The following IL20RA variants were observed in gnomAD, a reference collection of about 807,000 sequenced individuals.
IL20RA encodes the protein interleukin-20 receptor subunit alpha.
IL20RA carries 29 observed loss-of-function variants against 36.5 expected under a neutral mutation model. The ratio of observed to expected loss-of-function variants is 0.79; its 90% CI spans 0.59 to 1.08. IL20RA has a LOEUF of 1.08. Among genes scored for constraint, IL20RA ranks in the 50% least tolerant of loss-of-function variants. IL20RA has a pLI of 0.00. For synonymous variants in IL20RA, 279 were observed against 267.1 expected, an observed-to-expected ratio of 1.04 and a Z score of -0.43; for missense variants, 652 against 668.4, an observed-to-expected ratio of 0.98 and a Z score of 0.27.
chr6:137,005,113 A>G (rs528232438), intron 5 of IL20RA, among the ~76,000 whole-genome samples: 5 of 152,336 alleles, frequency 3.3e-5, no homozygotes, highest in African/African-American at 4.8e-5. Context: ...TTGATATTCA[A>G]GTAAGTCACA....
intron 4 of IL20RA, 49 bp from the exon 5 acceptor site, chr6:137,008,792 C>T (rs1582819615): frequency 7.0e-7 from 1 of 1,430,624 alleles, no homozygotes; most frequent in Non-Finnish European, 9.4e-7. Flanking sequence ...ATTTCTGGGA[C>T]CACCCCAGAC....
In IL20RA at chr6:137,044,799, C is replaced by T; in HGVS notation, c.-71G>A. On this transcript the variant is annotated 5_prime_UTR_variant, in exon 1 of 7. Transcript: ENST00000316649. ...GTCCCACGCCCGCTGGGGCCAAGCG[C>T]GGCCGCGCGGCCTCAGCTCCGCGCC... 8.4e-7 allele frequency: 1 copy of T among 1,195,262 alleles called. No individual in the cohort carries two copies. The highest frequency in any genetic ancestry group is 1.0e-6 in the Non-Finnish European group (1 of 963,230). The allele number at this position is 1,195,262 out of a possible 1,614,324, so 74.0% of individuals were successfully genotyped here.
intron 1 of IL20RA, among the ~76,000 whole-genome samples, chr6:137,041,895 T>C (rs1258118562): frequency 2.6e-5 from 4 of 152,060 alleles, no homozygotes; most frequent in Non-Finnish European, 5.9e-5. Context: ...ACATGTGCCA[T>C]GGTGGTTTGT....
intron 1 of IL20RA, chr6:137,043,981 G>T: frequency 2.3e-6 from 1 of 441,998 alleles, no homozygotes; most frequent in Non-Finnish European, 3.0e-6. Context: ...GTTACCTTAT[G>T]TCGTAAACGA....
chr6:137,022,383 A>C (rs895579629), intron 1 of IL20RA, among the ~76,000 whole-genome samples: 1 of 152,222 alleles, frequency 6.6e-6, no homozygotes, highest in Non-Finnish European at 1.5e-5. Flanking sequence ...GTTTATGTTT[A>C]GTTGCCGAGA....
rs116643517 is a variant in IL20RA, at chr6:137,002,559, G to T, written c.865-204C>A. On this transcript the variant is annotated intron_variant, in intron 6 of 6. Coordinates refer to ENST00000316649, the MANE Select transcript of IL20RA (RefSeq NM_014432.4). ...CAAGACACACAAAAGATAGTTGGAAGCGAGAAGTGATTCGCTGGGTGGGTA... is the reference window on the plus strand; with the variant it reads ...CAAGACACACAAAAGATAGTTGGAATCGAGAAGTGATTCGCTGGGTGGGTA... Among the ~76,000 whole-genome samples, 172 of 152,348 alleles carry T rather than the reference G, an allele frequency of 1.1e-3. 2 individuals are homozygous for T. The highest frequency in any genetic ancestry group is 3.9e-3 in the African/African-American group (163 of 41,592).
At position 137,001,997 on chromosome 6, in the gene IL20RA, G is replaced by C. The variant is rs772939965; in HGVS notation, c.1223C>G (p.Thr408Ser). The C allele has an allele frequency of 3.7e-6, 6 of 1,614,108 alleles. No homozygotes were observed. The African/African-American group carries it at 8.0e-5, about 22-fold the overall frequency. Residue 408 changes from threonine (T) to serine (S), a missense_variant, in exon 7 of 7, where the codon ACT (threonine) becomes AGT (serine). Thr to Ser is a moderately conservative substitution (Grantham distance 58). Coordinates refer to ENST00000316649, the MANE Select transcript of IL20RA (RefSeq NM_014432.4). The part of the protein sequence containing the change: ...VIEYEYDVRT[T>S]DICAGPEEQE... The stretch of plus-strand genomic sequence containing the variant: ...CTCTTCAGGCCCCGCACAAATGTCA[G>C]TGGTTCTGACATCATATTCATATTC...
chr6:137,007,737 G>C (rs889071067), intron 5 of IL20RA, among the ~76,000 whole-genome samples: 1 of 152,154 alleles, frequency 6.6e-6, no homozygotes, highest in African/African-American at 2.4e-5. Context: ...AGGAAATAGA[G>C]AGAAGCAACT....
At chr6:137,019,130 CT>C (rs33960934) in intron 1 of IL20RA, among the ~76,000 whole-genome samples, 112,664 of 140,786 alleles carry the variant, frequency 0.8, 49,702 homozygotes, top group Non-Finnish European at 0.98. Context: ...TTCTATTTAT[CT>C]TTTTTTTTTT....
In IL20RA at chr6:137,011,418, A is replaced by C; in HGVS notation, c.259T>G (p.Cys87Gly). Residue 87 changes from cysteine to glycine, a missense_variant, in exon 3 of 7, where the codon TGC becomes GGC. Coordinates refer to ENST00000316649, the MANE Select transcript of IL20RA (RefSeq NM_014432.4). The stretch of plus-strand genomic sequence containing the variant: ...CAGTAGGTTCTATTGATATTTCTGC[A>C]TTCTGATTTATTCAGCCATTTCTTT... Reference protein sequence around the residue: ...GQKKWLNKSECRNINRTYCDL... With the variant: ...GQKKWLNKSEGRNINRTYCDL... 2 of 1,613,302 alleles carry C rather than the reference A, an allele frequency of 1.2e-6. No individual in the cohort carries two copies. Among genetic ancestry groups the C allele is most frequent in the Non-Finnish European group, 1.7e-6 (2 of 1,179,604 alleles).
At chr6:137,024,513 G>A (rs1776017183) in intron 1 of IL20RA, among the ~76,000 whole-genome samples, 1 of 152,212 alleles carries the variant, frequency 6.6e-6, no homozygotes, top group African/African-American at 2.4e-5. Context: ...GGTGCACATA[G>A]TTTTATGTTT....
rs1776847766 is a variant in IL20RA at position 137,044,824 on chromosome 6, C to T, written c.-96G>A. ...CGGCCGCGCGGCCTCAGCTCCGCGC[C>T]TGGGGCTCTGCGTGCCACGCTCCAG... On this transcript the variant is annotated 5_prime_UTR_variant, in exon 1 of 7. Coordinates refer to ENST00000316649, the MANE Select transcript of IL20RA (RefSeq NM_014432.4). 2 of 1,109,926 alleles carry T rather than the reference C, an allele frequency of 1.8e-6. No homozygotes were observed. The highest frequency in any genetic ancestry group is 1.1e-6 in the Non-Finnish European group (1 of 887,144). 68.8% of individuals were successfully genotyped at this position (1,109,926 alleles called of 1,614,324 possible).
intron 6 of IL20RA, among the ~76,000 whole-genome samples, chr6:137,004,173 T>TGTTTTTTTTTTTTG (rs1372695998): frequency 6.7e-5 from 9 of 133,518 alleles, no homozygotes; most frequent in South Asian, 2.6e-4. Flanking sequence ...TTTTTTTTTT[T>TGTTTTTTTTTTTTG]TTTTTTTTTT....
At chr6:137,027,318 T>G (rs1042238440) in intron 1 of IL20RA, among the ~76,000 whole-genome samples, 4 of 152,246 alleles carry the variant, frequency 2.6e-5, no homozygotes, top group African/African-American at 9.6e-5. Context: ...CTTGATTTTC[T>G]TCCCCTAACC....
At chr6:137,034,752 A>G (rs1776420698) in intron 1 of IL20RA, among the ~76,000 whole-genome samples, 2 of 152,062 alleles carry the variant, frequency 1.3e-5, no homozygotes, top group East Asian at 1.9e-4. Context: ...CACCCTGGCT[A>G]ACACGGTGAA....
intron 1 of IL20RA, among the ~76,000 whole-genome samples, chr6:137,040,254 G>A (rs1038170318): frequency 1.4e-4 from 22 of 151,966 alleles, no homozygotes; most frequent in Non-Finnish European, 2.4e-4. Context: ...ACAAACTCAC[G>A]GTCTTAAATA....
At chr6:137,012,002 T>A (rs1349361434) in intron 2 of IL20RA, among the ~76,000 whole-genome samples, 1 of 152,194 alleles carries the variant, frequency 6.6e-6, no homozygotes, top group Non-Finnish European at 1.5e-5. Context: ...ACTAGATTGG[T>A]CATACTGATT....
At chr6:137,037,266 G>A (rs1192682821) in intron 1 of IL20RA, among the ~76,000 whole-genome samples, 1 of 152,064 alleles carries the variant, frequency 6.6e-6, no homozygotes, top group East Asian at 1.9e-4. Flanking sequence ...CCATTTTGGT[G>A]GTGCAAAGTG....
chr6:137,031,190 T>C (rs556898158), intron 1 of IL20RA, among the ~76,000 whole-genome samples: 1 of 152,266 alleles, frequency 6.6e-6, no homozygotes, highest in African/African-American at 2.4e-5. Context: ...TCCAAGCACA[T>C]CCAATTCGCT....
Sources: allele counts gnomAD v4.1 joint callset (sites outside exome capture counted in the v4.1 genomes callset), GRCh38; gene constraint gnomAD v4.1.1; transcripts MANE v1.5; gene names NCBI Gene and HGNC (gene_info 2026-07-23, HGNC 2026-07-21).